The following TRIM24 variants were observed in gnomAD, a reference collection of about 807,000 sequenced individuals.
TRIM24 encodes the protein tripartite motif containing 24.
In TRIM24, 29 loss-of-function variants were observed where a neutral mutation model predicts 123.9. The ratio of observed to expected loss-of-function variants is 0.23; its 90% CI spans 0.17 to 0.32. The LOEUF is 0.32. Ranked by LOEUF, TRIM24 falls within the 10% of genes least tolerant of loss-of-function variation. The pLI is 1.00. For missense variants in TRIM24, 932 were observed against 1,295.3 expected, an observed-to-expected ratio of 0.72 and a Z score of 4.31; for synonymous variants, 456 against 461.1, an observed-to-expected ratio of 0.99 and a Z score of 0.14.
intron 12 of TRIM24, among the ~76,000 whole-genome samples, chr7:138,575,391 C>G (rs994443911): frequency 1.3e-5 from 2 of 151,444 alleles, no homozygotes; most frequent in Non-Finnish European, 2.9e-5. Flanking sequence ...CGCTTGGGCT[C>G]TAGTGATCCT....
intron 9 of TRIM24, among the ~76,000 whole-genome samples, chr7:138,563,677 GCACTGATT>G (rs1451533851): frequency 1.3e-5 from 2 of 152,164 alleles, no homozygotes; most frequent in African/African-American, 2.4e-5. Flanking sequence ...TGTTCACTGT[GCACTGATT>G]TTCAGAGGCC....
chr7:138,516,137 A>C (rs1796389435), intron 3 of TRIM24, among the ~76,000 whole-genome samples: 1 of 152,104 alleles, frequency 6.6e-6, no homozygotes, highest in South Asian at 2.1e-4. Context: ...GTCTGTACTA[A>C]AAACATACAA....
chr7:138,521,822 A>G (rs771328488), intron 4 of TRIM24, among the ~76,000 whole-genome samples: 1 of 152,210 alleles, frequency 6.6e-6, no homozygotes, highest in Non-Finnish European at 1.5e-5. Context: ...TGAGGTAAAG[A>G]GGGACACTTT....
intron 1 of TRIM24, among the ~76,000 whole-genome samples, chr7:138,503,667 G>A (rs1180326289): frequency 1.3e-5 from 2 of 150,522 alleles, no homozygotes; most frequent in Admixed American, 6.6e-5. Flanking sequence ...GGGTACATGT[G>A]CACAACGTGC....
intron 6 of TRIM24, among the ~76,000 whole-genome samples, chr7:138,537,531 G>A (rs1796916522): frequency 6.6e-6 from 1 of 151,820 alleles, no homozygotes; most frequent in Non-Finnish European, 1.5e-5. Flanking sequence ...TATTAGGATA[G>A]AGGACCAAAA....
intron 2 of TRIM24, among the ~76,000 whole-genome samples, chr7:138,513,276 CTGTT>C (rs1584711295): frequency 6.6e-6 from 1 of 152,194 alleles, no homozygotes; most frequent in Non-Finnish European, 1.5e-5. Flanking sequence ...GCCCTCCAAA[CTGTT>C]TGAAATTCTG....
At chr7:138,576,340 C>T (rs201902711) in intron 12 of TRIM24, 33 bp from the exon 13 acceptor site, 71 of 1,581,688 alleles carry the variant, frequency 4.5e-5, no homozygotes, top group East Asian at 2.7e-4. Flanking sequence ...ATTATTCATT[C>T]GTTTTATGAA....
chr7:138,557,286 T>G (rs892957102), intron 9 of TRIM24, among the ~76,000 whole-genome samples: 2 of 152,168 alleles, frequency 1.3e-5, no homozygotes, highest in Non-Finnish European at 2.9e-5. Context: ...TAATTTCGGC[T>G]TCATTCCCCC....
chr7:138,507,929 A>G (rs932310698), intron 2 of TRIM24, among the ~76,000 whole-genome samples: 1 of 151,214 alleles, frequency 6.6e-6, no homozygotes, highest in Non-Finnish European at 1.5e-5. Flanking sequence ...GTGAGACCCT[A>G]TCTCAAAAAA....
chr7:138,480,191 T>G (rs1049396756), intron 1 of TRIM24, among the ~76,000 whole-genome samples: 1 of 152,148 alleles, frequency 6.6e-6, no homozygotes, highest in Non-Finnish European at 1.5e-5. Context: ...CTTGAACTCC[T>G]GAGGTCAAGC....
In TRIM24 at chr7:138,529,245, A is replaced by G. The variant is rs370013128; in HGVS notation, c.996+15A>G. On this transcript the variant is annotated intron_variant, in intron 6 of 18. Coordinates refer to ENST00000343526, the MANE Select transcript of TRIM24 (RefSeq NM_015905.3). The stretch of plus-strand genomic sequence containing the variant: ...ATCAGTTAGAGGTAAGTGACTGCCC[A>G]TGGGATAGTATATTGATTCAACATA... 1.0e-5 allele frequency: 13 copies of G among 1,284,838 alleles called. No homozygotes were observed. In the African/African-American group the frequency reaches 1.9e-4, roughly 18 times the overall value. The allele number at this position is 1,284,838 out of a possible 1,614,324, so 79.6% of individuals were successfully genotyped here. A position where few individuals can be genotyped will look rare whatever the true frequency, so the allele number is the denominator to read the frequency against.
At chr7:138,577,943 A>T (rs1218375974) in intron 14 of TRIM24, among the ~76,000 whole-genome samples, 1 of 152,220 alleles carries the variant, frequency 6.6e-6, no homozygotes, top group Admixed American at 6.5e-5. Context: ...ATACTTGATA[A>T]TATGAATCAT....
intron 1 of TRIM24, among the ~76,000 whole-genome samples, chr7:138,489,528 T>G (rs1221415533): frequency 6.6e-6 from 1 of 152,188 alleles, no homozygotes; most frequent in Non-Finnish European, 1.5e-5. Flanking sequence ...TAGGAGCTCT[T>G]GTAAGGCAGG....
chr7:138,525,509 A>C (rs1446789411), intron 5 of TRIM24, 152 bp downstream of exon 5: 1 of 403,208 alleles, frequency 2.5e-6, no homozygotes, highest in Non-Finnish European at 4.5e-6. Context: ...CTTAGTTGGA[A>C]AGCATTCTTT....
chr7:138,528,254 T>A (rs1395994189), intron 5 of TRIM24, among the ~76,000 whole-genome samples: 8 of 152,166 alleles, frequency 5.3e-5, no homozygotes, highest in Admixed American at 5.2e-4. Context: ...TTACTAGTTA[T>A]AGAAAACAAG....
intron 7 of TRIM24, among the ~76,000 whole-genome samples, chr7:138,546,255 G>A (rs1322869291): frequency 6.6e-6 from 1 of 152,164 alleles, no homozygotes; most frequent in Non-Finnish European, 1.5e-5. Context: ...CTGTAACTAA[G>A]TCTGATCAGG....
chr7:138,495,931 C>G (rs1013640096), intron 1 of TRIM24, among the ~76,000 whole-genome samples: 2 of 152,148 alleles, frequency 1.3e-5, no homozygotes, highest in Non-Finnish European at 2.9e-5. Context: ...ATGTCTGTTT[C>G]TGGACTCTAT....
chr7:138,558,262 A>G (rs1201232381), intron 9 of TRIM24, among the ~76,000 whole-genome samples: 1 of 152,180 alleles, frequency 6.6e-6, no homozygotes, highest in East Asian at 1.9e-4. Flanking sequence ...CTGCCCCACC[A>G]TAAAGTCTTT....
At chr7:138,475,304 A>G (rs1292217629) in intron 1 of TRIM24, among the ~76,000 whole-genome samples, 2 of 152,200 alleles carry the variant, frequency 1.3e-5, no homozygotes, top group East Asian at 3.8e-4. Flanking sequence ...CAAAAGCCCA[A>G]ACCTTTCTAG....
Sources: allele counts gnomAD v4.1 joint callset (sites outside exome capture counted in the v4.1 genomes callset), GRCh38; gene constraint gnomAD v4.1.1; transcripts MANE v1.5; gene names NCBI Gene and HGNC (gene_info 2026-07-23, HGNC 2026-07-21).